Variants in GFY observed in about 807,000 individuals in gnomAD.
The protein encoded by GFY is Golgi-associated olfactory signaling regulator.
A neutral mutation model predicts 29.1 loss-of-function variants in GFY; 28 were observed. That is an observed-to-expected ratio of 0.96 (90% CI 0.71 to 1.32). The LOEUF (loss-of-function observed/expected upper bound fraction) is 1.32, where lower values mean the gene tolerates loss of function less well. Ranked by LOEUF, GFY falls within the 40% of genes most tolerant of loss-of-function variation. GFY has a pLI of 0.00. For synonymous variants in GFY, 277 were observed against 274.5 expected, an observed-to-expected ratio of 1.01 and a Z score of -0.09; for missense variants, 656 against 661.9, an observed-to-expected ratio of 0.99 and a Z score of 0.10.
chr19:49,424,031 G>T, upstream of GFY: 1 of 152,424 alleles, frequency 6.6e-6, no homozygotes. Flanking sequence ...AGGGGGGAAA[G>T]GCAAGAAATG....
chr19:49,428,327 C>T (rs1646131597), intron 3 of GFY, among the ~76,000 whole-genome samples: 1 of 152,202 alleles, frequency 6.6e-6, no homozygotes, highest in Admixed American at 6.5e-5. Context: ...CGGCTTCAGG[C>T]CCAGAGCCGG....
chr19:49,428,893 G>C lies in GFY; in HGVS notation c.*75G>C. 1 of 1,020,116 alleles carries C rather than the reference G, an allele frequency of 9.8e-7. No homozygotes were observed. The highest frequency in any genetic ancestry group is 1.4e-6 in the Non-Finnish European group (1 of 734,260). 63.2% of individuals were successfully genotyped at this position (1,020,116 alleles called of 1,614,324 possible). A position where few individuals can be genotyped will look rare whatever the true frequency, so the allele number is the denominator to read the frequency against. On this transcript the variant is annotated 3_prime_UTR_variant, in exon 4 of 4. Transcript: ENST00000610896. Reference sequence around the variant, plus strand: ...CCTGCGCTTCTGGTATGCTTAGCTAGAGTAGTGCCCCGGATAAAGGGTCTA... The same window carrying C: ...CCTGCGCTTCTGGTATGCTTAGCTACAGTAGTGCCCCGGATAAAGGGTCTA...
At chr19:49,424,393 C>T (rs1295979087), upstream of GFY, among the ~76,000 whole-genome samples, 2 of 152,180 alleles carry the variant, frequency 1.3e-5, no homozygotes, top group African/African-American at 2.4e-5. Flanking sequence ...CAGGTGCCCA[C>T]CATCACGCCC....
rs1188095103 is a variant in GFY, at chr19:49,427,470, C to T, written c.1040C>T (p.Pro347Leu). 2 of 1,535,284 alleles carry T rather than the reference C, an allele frequency of 1.3e-6. No individual in the cohort carries two copies. Among genetic ancestry groups the T allele is most frequent in the Non-Finnish European group, 1.7e-6 (2 of 1,146,354 alleles). The change falls in exon 2 of 4, where the codon CCT (proline) becomes CTT (leucine). Residue 347 changes from proline (P) to leucine (L), a missense_variant. Coordinates refer to ENST00000610896, the MANE Select transcript of GFY (RefSeq NM_001195256.2). Reference sequence around the variant, plus strand: ...GGCCCTAAGGAGTCCAACGTCCCTCCTCCCTCAGCCCGGATTGCAGGTCCC... The same window carrying T: ...GGCCCTAAGGAGTCCAACGTCCCTCTTCCCTCAGCCCGGATTGCAGGTCCC... ...NSGPKESNVPPPSARIAGPPA... is the reference protein window; with the variant it reads ...NSGPKESNVPLPSARIAGPPA...
chr19:49,428,232 C>A, intron 3 of GFY, 113 bp downstream of exon 3: 2 of 1,289,534 alleles, frequency 1.6e-6, no homozygotes, highest in Non-Finnish European at 2.1e-6. Context: ...AATGAAAGCC[C>A]TGGCTCTTCC....
chr19:49,428,353 C>T (rs1286807160), intron 3 of GFY, among the ~76,000 whole-genome samples: 1 of 152,214 alleles, frequency 6.6e-6, no homozygotes, highest in Non-Finnish European at 1.5e-5. Flanking sequence ...CCCGCCAGCC[C>T]CGCCCCTGCC....
intron 2 of GFY, 58 bp from the exon 3 acceptor site, chr19:49,427,888 C>T: frequency 6.7e-7 from 1 of 1,496,444 alleles, no homozygotes; most frequent in East Asian, 2.5e-5. Flanking sequence ...GGAGCTTGGA[C>T]CCCTGGGTCT....
At position 49,426,714 on chromosome 19, in the gene GFY, A is replaced by T; in HGVS notation, c.284A>T (p.Glu95Val). The T allele has an allele frequency of 6.5e-7, 1 of 1,535,976 alleles. No individual in the cohort carries two copies. The highest frequency in any genetic ancestry group is 8.7e-7 in the Non-Finnish European group (1 of 1,146,842). ...GAGCCCCTCAACCCTGACCTCCGAGAAACCCCGCACCCAGAGTCTCCTGAG... is the reference window on the plus strand; with the variant it reads ...GAGCCCCTCAACCCTGACCTCCGAGTAACCCCGCACCCAGAGTCTCCTGAG... The part of the protein sequence containing the change: ...FTEPLNPDLR[E>V]TPHPESPETP... The change falls in exon 2 of 4, where the codon GAA becomes GTA. Residue 95 changes from glutamate to valine, a missense_variant. Physicochemically the swap from Glu to Val is moderately radical, Grantham distance 121 (BLOSUM62 -2). Transcript: ENST00000610896.
At chr19:49,428,293 T>G (rs1173623086) in intron 3 of GFY, among the ~76,000 whole-genome samples, 174 bp downstream of exon 3, 1 of 152,180 alleles carries the variant, frequency 6.6e-6, no homozygotes, top group Non-Finnish European at 1.5e-5. Context: ...AAGAGTCCAG[T>G]GCCGCTCCCA....
At chr19:49,428,417 C>A (rs904423225) in intron 3 of GFY, among the ~76,000 whole-genome samples, 5 of 152,282 alleles carry the variant, frequency 3.3e-5, no homozygotes, top group Middle Eastern at 3.4e-3. Context: ...CTGCAGGCCC[C>A]GCCGCTGCTG....
chr19:49,425,743 A>T (rs1158986307), intron 1 of GFY, among the ~76,000 whole-genome samples: 2 of 151,844 alleles, frequency 1.3e-5, no homozygotes, highest in East Asian at 3.9e-4. Flanking sequence ...TTCCTTTCTA[A>T]CTCAGGAACC....
At chr19:49,427,920 C>T (rs1975097764) in intron 2 of GFY, 26 bp from the exon 3 acceptor site, 1 of 1,521,368 alleles carries the variant, frequency 6.6e-7, no homozygotes, top group Non-Finnish European at 8.8e-7. Context: ...GGGTTAGGAG[C>T]TTAGATTGCT....
Position 49,427,202 on chromosome 19 carries a change from C to T in GFY, c.772C>T (p.Gln258Ter). The T allele has an allele frequency of 6.5e-7, 1 of 1,536,004 alleles. No homozygotes were observed. Among genetic ancestry groups the T allele is most frequent in the Non-Finnish European group, 8.7e-7 (1 of 1,146,882 alleles). Residue 258 changes from glutamine (Q) to a stop codon, truncating the protein, a stop_gained, in exon 2 of 4, where the codon CAA becomes TAA. Coordinates refer to ENST00000610896, the MANE Select transcript of GFY (RefSeq NM_001195256.2). LOFTEE classifies it high-confidence loss of function. ...THNPSPTEIS[Q>*]TEFPTTYYQN... is the part of the protein sequence containing the mutation. ...CAATCCCAGCCCCACCGAAATTTCC[C>T]AAACAGAATTCCCCACAACCTACTA... is the stretch of plus-strand genomic sequence containing the variant.
At position 49,427,177 on chromosome 19, in the gene GFY, C is replaced by T; in HGVS notation, c.747C>T (p.His249=). 1 of 1,536,008 alleles carries T rather than the reference C, an allele frequency of 6.5e-7. No homozygotes were observed. Among genetic ancestry groups the T allele is most frequent in the Non-Finnish European group, 8.7e-7 (1 of 1,146,886 alleles). ...KTPHPESHVT[H]NPSPTEISQT... is the part of the protein sequence containing the mutation. ...CCCACCCAGAATCCCATGTGACCCA[C>T]AATCCCAGCCCCACCGAAATTTCCC... The change falls in exon 2 of 4, where the codon CAC becomes CAT. Residue 249 remains histidine (H), a synonymous_variant. Transcript: ENST00000610896.
chr19:49,427,522 G>T lies in GFY; in HGVS notation c.1092G>T (p.Gln364His), dbSNP rs1300474716. The change falls in exon 2 of 4, where the codon CAG (glutamine) becomes CAT (histidine). Residue 364 changes from glutamine (Q) to histidine (H), a missense_variant. Coordinates refer to ENST00000610896, the MANE Select transcript of GFY (RefSeq NM_001195256.2). ...CTGCTCTTCCAGGGCGCCCCAGTCA[G>T]TTGGCCCCTGCCACTCTGCGGGCAC... ...GPPALPGRPS[Q>H]LAPATLRAPQ... 11 of 1,525,910 alleles carry T rather than the reference G, an allele frequency of 7.2e-6. No homozygotes were observed. The highest frequency in any genetic ancestry group is 2.4e-5 in the East Asian group (1 of 40,926). The allele number at this position is 1,525,910 out of a possible 1,614,324, so 94.5% of individuals were successfully genotyped here. A position where few individuals can be genotyped will look rare whatever the true frequency, so the allele number is the denominator to read the frequency against.
chr19:49,425,828 C>G (rs1975066075), intron 1 of GFY, among the ~76,000 whole-genome samples: 1 of 152,124 alleles, frequency 6.6e-6, no homozygotes, highest in African/African-American at 2.4e-5. Context: ...AAATTCTAGG[C>G]ACCTGAACTT....
upstream of GFY, chr19:49,423,986 G>A (rs1374825175): frequency 2.0e-5 from 3 of 152,308 alleles, no homozygotes; most frequent in African/African-American, 7.2e-5. Context: ...AAATACAGCA[G>A]CGAGAGGCCC....
In GFY at chr19:49,425,489, G is replaced by A. The variant is rs563142742; in HGVS notation, c.-22G>A. ...TGCTGTTACCTTGGACACCAGAGCA[G>A]GTAAGAGACCCCAGGACCTCAAGTA... On this transcript the variant is annotated splice_region_variant and 5_prime_UTR_variant, in exon 1 of 4. Transcript: ENST00000610896. The A allele has an allele frequency of 1.3e-5, 2 of 152,558 alleles. 1 individual carries two copies. Among genetic ancestry groups the A allele is most frequent in the African/African-American group, 4.8e-5 (2 of 41,542 alleles). The allele number at this position is 152,558 out of a possible 1,614,324, so 9.5% of individuals were successfully genotyped here. A position where few individuals can be genotyped will look rare whatever the true frequency, so the allele number is the denominator to read the frequency against.
intron 2 of GFY, 79 bp downstream of exon 2, chr19:49,427,692 TGGGGGCCTGGACTCCTGGGTGC>T (rs1975093405): frequency 8.3e-6 from 10 of 1,208,948 alleles, no homozygotes; most frequent in Non-Finnish European, 1.1e-5. Context: ...GAGGAGGGGC[TGGGGGCCTGGACTCCTGGGTGC>T]GAGGGAGGAG....
Sources: gnomAD v4.1 joint callset for allele counts (sites outside exome capture counted in the v4.1 genomes callset) on GRCh38, gnomAD v4.1.1 for gene constraint, MANE v1.5 for transcripts, NCBI Gene and HGNC (gene_info 2026-07-23, HGNC 2026-07-21) for gene names.